Variants in GPR158 observed in about 807,000 individuals in gnomAD.
GPR158 encodes the protein G protein-coupled receptor 158, also known as metabotropic glycine receptor.
In GPR158, 30 loss-of-function variants were observed where a neutral mutation model predicts 78.2. The observed-to-expected ratio is 0.38, with a 90% CI of 0.29 to 0.52. GPR158 has a LOEUF of 0.52. GPR158 is among the 20% of genes least tolerant of loss of function. The pLI, the probability that GPR158 is intolerant of heterozygous loss-of-function variation, is 0.83. For synonymous variants in GPR158, 581 were observed against 591.1 expected, an observed-to-expected ratio of 0.98 and a Z score of 0.25; for missense variants, 1,463 against 1,523.5, an observed-to-expected ratio of 0.96 and a Z score of 0.66.
At chr10:25,267,885 G>A (rs1371545755) in intron 2 of GPR158, among the ~76,000 whole-genome samples, 1 of 152,026 alleles carries the variant, frequency 6.6e-6, no homozygotes, top group African/African-American at 2.4e-5. Flanking sequence ...TAATGGAATT[G>A]CAGAAGAATT....
intron 2 of GPR158, among the ~76,000 whole-genome samples, chr10:25,317,147 C>T (rs7902399): frequency 0.2 from 30,507 of 151,402 alleles, 5,190 homozygotes; most frequent in African/African-American, 0.47. Context: ...TGGGTTCAAG[C>T]GATTCTCCTG....
intron 2 of GPR158, among the ~76,000 whole-genome samples, chr10:25,268,562 C>G (rs1854073554): frequency 1.3e-5 from 2 of 152,098 alleles, no homozygotes; most frequent in African/African-American, 4.8e-5. Context: ...CAATGAACAG[C>G]TTTAAAAAAT....
rs1185786267 is a variant in GPR158 at position 25,600,290 on chromosome 10, A to G, written c.*1016A>G. The G allele has an allele frequency of 2.6e-5, 4 of 152,606 alleles. No homozygotes were observed. Among genetic ancestry groups the G allele is most frequent in the Non-Finnish European group, 5.9e-5 (4 of 68,030 alleles). 9.5% of individuals were successfully genotyped at this position (152,606 alleles called of 1,614,324 possible). On this transcript the variant is annotated 3_prime_UTR_variant, in exon 11 of 11. Transcript: ENST00000376351. ...AATTGTCCCTTTTAACTCTTTCAGTATTTCCTACTTAGCAGCATTTCCAAA... is the reference window on the plus strand; with the variant it reads ...AATTGTCCCTTTTAACTCTTTCAGTGTTTCCTACTTAGCAGCATTTCCAAA...
At chr10:25,366,192 T>C (rs1855721381) in intron 2 of GPR158, among the ~76,000 whole-genome samples, 1 of 151,678 alleles carries the variant, frequency 6.6e-6, no homozygotes, top group Admixed American at 6.6e-5. Context: ...AAATAGTCCA[T>C]TTATTTTTGC....
At chr10:25,317,848 C>G (rs1204952674) in intron 2 of GPR158, among the ~76,000 whole-genome samples, 1 of 151,980 alleles carries the variant, frequency 6.6e-6, no homozygotes, top group Non-Finnish European at 1.5e-5. Context: ...TCTGCCTCAG[C>G]CTCCCCAGTA....
In GPR158 at chr10:25,176,474, C is replaced by G. The variant is rs536369320; in HGVS notation, c.902+152C>G. 6.0e-6 allele frequency: 4 copies of G among 665,036 alleles called. No homozygotes were observed. In the African/African-American group the frequency reaches 7.3e-5, roughly 12 times the overall value. The allele number at this position is 665,036 out of a possible 1,614,324, so 41.2% of individuals were successfully genotyped here. ...GACCCGGGCTGAGGGACACCCCACG[C>G]GGGCGCGGGTGCTTGGGGGCAAGAA... On this transcript the variant is annotated intron_variant, in intron 1 of 10. Transcript: ENST00000376351. The surrounding 1 kb of genome is among the most constrained non-coding windows in gnomAD (Gnocchi z 6.3).
rs1316598540 is a variant in GPR158 at position 25,361,778 on chromosome 10, T to A, written c.1009-34133T>A. 2.0e-5 allele frequency among the ~76,000 whole-genome samples: 3 copies of A among 152,022 alleles called. No homozygotes were observed. In the East Asian group the frequency reaches 5.8e-4, roughly 29 times the overall value. On this transcript the variant is annotated intron_variant, in intron 2 of 10. Transcript: ENST00000376351. ...CTATTCAAATCCTTTGCATATTTTTTAACTTTGATTATTTGATACTTCGTT... is the reference window on the plus strand; with the variant it reads ...CTATTCAAATCCTTTGCATATTTTTAAACTTTGATTATTTGATACTTCGTT...
intron 3 of GPR158, among the ~76,000 whole-genome samples, chr10:25,399,116 G>A (rs1834407114): frequency 6.6e-6 from 1 of 152,174 alleles, no homozygotes; most frequent in Non-Finnish European, 1.5e-5. Context: ...GTGGTGGAAG[G>A]CACCTCTTCA....
chr10:25,312,899 C>T (rs1353991090), intron 2 of GPR158, among the ~76,000 whole-genome samples: 2 of 151,950 alleles, frequency 1.3e-5, no homozygotes, highest in Non-Finnish European at 2.9e-5. Flanking sequence ...AAAATTTTAA[C>T]CCCCATATTT....
At chr10:25,487,471 C>T (rs975685872) in intron 5 of GPR158, among the ~76,000 whole-genome samples, 5 of 152,172 alleles carry the variant, frequency 3.3e-5, no homozygotes, top group Non-Finnish European at 1.5e-5. Context: ...GTTGCAGTGG[C>T]ATAGTGGCTG....
intron 2 of GPR158, among the ~76,000 whole-genome samples, chr10:25,390,371 A>G (rs901050702): frequency 6.6e-6 from 1 of 152,204 alleles, no homozygotes; most frequent in Admixed American, 6.5e-5. Context: ...AATGGTTTTG[A>G]CCAAAATGCT....
chr10:25,508,242 A>C (rs901432849), intron 5 of GPR158, among the ~76,000 whole-genome samples: 2 of 152,126 alleles, frequency 1.3e-5, no homozygotes, highest in African/African-American at 4.8e-5. Flanking sequence ...CAGAGAGGCA[A>C]TCTGCAAATC....
intron 7 of GPR158, among the ~76,000 whole-genome samples, chr10:25,579,795 T>G (rs768720258): frequency 3.3e-5 from 5 of 152,186 alleles, no homozygotes; most frequent in Non-Finnish European, 5.9e-5. Context: ...TAAAAAGTTA[T>G]GTAATTGAGA....
In GPR158 at chr10:25,279,222, T is replaced by A. The variant is rs533188269; in HGVS notation, c.1008+58065T>A. Among the ~76,000 whole-genome samples, 27 of 152,288 alleles carry A rather than the reference T, an allele frequency of 1.8e-4. No homozygotes were observed. In the South Asian group the frequency reaches 4.4e-3, roughly 25 times the overall value. On this transcript the variant is annotated intron_variant, in intron 2 of 10. Transcript: ENST00000376351. ...CTACTAGTTTACATAAATTTCACGC[T>A]AGTGATATGCCAGCCATGTTCTGAT...
chr10:25,404,637 A>G (rs1234318345), intron 3 of GPR158, among the ~76,000 whole-genome samples: 1 of 152,034 alleles, frequency 6.6e-6, no homozygotes, highest in Admixed American at 6.6e-5. Context: ...TCATGATTGT[A>G]TTTTATGGCC....
At chr10:25,553,943 T>C (rs899903429) in intron 6 of GPR158, among the ~76,000 whole-genome samples, 3 of 152,288 alleles carry the variant, frequency 2.0e-5, no homozygotes, top group Middle Eastern at 3.4e-3. Flanking sequence ...TAAGTATAAT[T>C]TGAATGTAGG....
intron 2 of GPR158, among the ~76,000 whole-genome samples, chr10:25,238,478 A>G (rs938564448): frequency 2.6e-5 from 4 of 152,226 alleles, no homozygotes; most frequent in African/African-American, 9.7e-5. Flanking sequence ...ACATTTGAAA[A>G]ACAAGACATA....
At chr10:25,355,391 C>T (rs34594344) in intron 2 of GPR158, among the ~76,000 whole-genome samples, 15,176 of 152,028 alleles carry the variant, frequency 0.1, 1,875 homozygotes, top group African/African-American at 0.3. Flanking sequence ...ATTTAAATCT[C>T]ATTGTTAAAT....
At chr10:25,235,634 C>G (rs1853511383) in intron 2 of GPR158, among the ~76,000 whole-genome samples, 1 of 150,380 alleles carries the variant, frequency 6.6e-6, no homozygotes, top group African/African-American at 2.4e-5. Flanking sequence ...TTTCATGTCT[C>G]AAATTTCTGT....
Sources: gnomAD v4.1 joint callset for allele counts (sites outside exome capture counted in the v4.1 genomes callset) on GRCh38, gnomAD v4.1.1 for gene constraint, Gnocchi (gnomAD v3.1) non-coding constraint, MANE v1.5 for transcripts, NCBI Gene and HGNC (gene_info 2026-07-23, HGNC 2026-07-21) for gene names.